The following ENPP1 variants were observed in gnomAD, a reference collection of about 807,000 sequenced individuals.
ENPP1 encodes ectonucleotide pyrophosphatase/phosphodiesterase 1.
A neutral mutation model predicts 122.8 loss-of-function variants in ENPP1; 73 were observed. That is an observed-to-expected ratio of 0.59 (90% CI 0.49 to 0.72). The LOEUF is 0.72. Ranked by LOEUF, ENPP1 falls within the 30% of genes least tolerant of loss-of-function variation. The probability of loss-of-function intolerance (pLI) is 0.00; values close to 1 mark genes in which losing one functional copy is unlikely to be tolerated. For synonymous variants in ENPP1, 367 were observed against 391.6 expected, an observed-to-expected ratio of 0.94 and a Z score of 0.74; for missense variants, 978 against 1,128.1, an observed-to-expected ratio of 0.87 and a Z score of 1.91.
chr6:131,853,954 G>A (rs1033192475), intron 5 of ENPP1, among the ~76,000 whole-genome samples: 12 of 152,048 alleles, frequency 7.9e-5, no homozygotes, highest in African/African-American at 2.2e-4. Flanking sequence ...CACACTACAC[G>A]TTAACTGTTT....
chr6:131,827,983 G>T, intron 1 of ENPP1: 1 of 730,670 alleles, frequency 1.4e-6, no homozygotes, highest in Non-Finnish European at 2.5e-6. Flanking sequence ...CTTGGAGCTG[G>T]TACCTGGGGT....
At chr6:131,847,871 G>T in intron 2 of ENPP1, 23 bp downstream of exon 2, 1 of 1,430,872 alleles carries the variant, frequency 7.0e-7, no homozygotes, top group Non-Finnish European at 9.8e-7. Flanking sequence ...GTGTGTGTGT[G>T]TGTGTGTGTG....
chr6:131,869,239 A>G, intron 12 of ENPP1, 119 bp from the exon 13 acceptor site: 1 of 900,326 alleles, frequency 1.1e-6, no homozygotes, highest in Non-Finnish European at 1.8e-6. Flanking sequence ...TCTTCAACTA[A>G]TATGAGTGCT....
chr6:131,878,612 T>C lies in ENPP1; in HGVS notation c.1945+19T>C, dbSNP rs1283090920. ...GCAGAAGGTAAGGCATGCTACACAC[T>C]CAAGCTCGGAATGTGAAGCAGGCAT... On this transcript the variant is annotated intron_variant, in intron 19 of 24. Transcript: ENST00000647893. The C allele has an allele frequency of 1.9e-6, 3 of 1,596,966 alleles. No individual in the cohort carries two copies. Among genetic ancestry groups the C allele is most frequent in the African/African-American group, 2.7e-5 (2 of 74,694 alleles).
chr6:131,876,464 G>A (rs75459628), intron 17 of ENPP1, among the ~76,000 whole-genome samples: 2,249 of 152,276 alleles, frequency 0.015, 57 homozygotes, highest in African/African-American at 0.048. Flanking sequence ...TAGTTTAAAT[G>A]AGTTAATGTA....
chr6:131,819,153 A>G (rs1369903798), intron 1 of ENPP1, among the ~76,000 whole-genome samples: 1 of 152,216 alleles, frequency 6.6e-6, no homozygotes, highest in African/African-American at 2.4e-5. Context: ...TAGTGAACCA[A>G]TATTTTCCAA....
chr6:131,808,727 T>C (rs1450476428), intron 1 of ENPP1, among the ~76,000 whole-genome samples: 2 of 152,210 alleles, frequency 1.3e-5, no homozygotes, highest in African/African-American at 2.4e-5. Flanking sequence ...CGGAGCTCTT[T>C]AAGTTTTATT....
chr6:131,882,226 A>T (rs963928220), intron 20 of ENPP1, 119 bp from the exon 21 acceptor site: 2 of 780,362 alleles, frequency 2.6e-6, no homozygotes, highest in Admixed American at 3.9e-5. Flanking sequence ...ATAGGGAAGG[A>T]CATGAGCTGA....
At chr6:131,878,406 A>C in intron 18 of ENPP1, 136 bp from the exon 19 acceptor site, 1 of 705,028 alleles carries the variant, frequency 1.4e-6, no homozygotes. Flanking sequence ...TGAAAGAGAA[A>C]AAAAAATCCA....
At chr6:131,820,066 A>G (rs4997284) in intron 1 of ENPP1, 55,625 of 512,354 alleles carry the variant, frequency 0.11, 3,650 homozygotes, top group South Asian at 0.21. Flanking sequence ...GCTGTCCAGC[A>G]CTTGTCCATT....
chr6:131,840,516 C>G (rs1438012694), intron 1 of ENPP1, among the ~76,000 whole-genome samples: 1 of 152,184 alleles, frequency 6.6e-6, no homozygotes, highest in African/African-American at 2.4e-5. Context: ...GTAGGAACTA[C>G]CATTTATTCA....
At chr6:131,852,355 G>A in intron 5 of ENPP1, 120 bp downstream of exon 5, 1 of 688,310 alleles carries the variant, frequency 1.5e-6, no homozygotes, top group Non-Finnish European at 2.5e-6. Context: ...ATTACAGGTT[G>A]AGTATCCTTT....
chr6:131,874,976 A>G (rs1782210624), intron 16 of ENPP1, among the ~76,000 whole-genome samples: 2 of 152,146 alleles, frequency 1.3e-5, no homozygotes, highest in African/African-American at 4.8e-5. Context: ...GCTAAAAATC[A>G]CATGTTCACT....
chr6:131,862,042 G>A (rs550566035), intron 9 of ENPP1, among the ~76,000 whole-genome samples: 7 of 152,056 alleles, frequency 4.6e-5, no homozygotes, highest in African/African-American at 1.7e-4. Context: ...GATGGCGGGC[G>A]CCTGTAATCC....
Position 131,820,151 on chromosome 6 carries a change from G to A in ENPP1, c.240+11876G>A, listed in dbSNP as rs1398424817. On this transcript the variant is annotated intron_variant, in intron 1 of 24. Coordinates refer to ENST00000647893, the MANE Select transcript of ENPP1 (RefSeq NM_006208.3). Reference sequence around the variant, plus strand: ...ATAGTTTAAGAGATTACTACTTTTAGAATTTTGGTGTGGTTTTAAAGAAGA... The same window carrying A: ...ATAGTTTAAGAGATTACTACTTTTAAAATTTTGGTGTGGTTTTAAAGAAGA... 1.1e-4 allele frequency: 33 copies of A among 311,810 alleles called. No homozygotes were observed. The Admixed American group carries it at 1.4e-3, about 14-fold the overall frequency. 19.3% of individuals were successfully genotyped at this position (311,810 alleles called of 1,614,324 possible).
chr6:131,823,036 T>C (rs1010996411), intron 1 of ENPP1, among the ~76,000 whole-genome samples: 1 of 152,224 alleles, frequency 6.6e-6, no homozygotes, highest in African/African-American at 2.4e-5. Flanking sequence ...TAGACGTTAA[T>C]CAATGTAGGG....
rs1433459156 is a variant in ENPP1, at chr6:131,869,266, A to T, written c.1274-92A>T. 7 of 1,298,250 alleles carry T rather than the reference A, an allele frequency of 5.4e-6. No homozygotes were observed. The East Asian group carries it at 1.2e-4, about 22-fold the overall frequency. The allele number at this position is 1,298,250 out of a possible 1,614,324, so 80.4% of individuals were successfully genotyped here. A position where few individuals can be genotyped will look rare whatever the true frequency, so the allele number is the denominator to read the frequency against. On this transcript the variant is annotated intron_variant, in intron 12 of 24. Coordinates refer to ENST00000647893, the MANE Select transcript of ENPP1 (RefSeq NM_006208.3). ...ATGAGTGCTACACCCATGTTTAACG[A>T]ATTTAACCTTGGAAGTGAAAGAAGT... is the stretch of plus-strand genomic sequence containing the variant.
At chr6:131,831,134 A>AG (rs1362445452) in intron 1 of ENPP1, among the ~76,000 whole-genome samples, 2 of 143,442 alleles carry the variant, frequency 1.4e-5, no homozygotes, top group Admixed American at 7.0e-5. Context: ...AAAAAAAAAA[A>AG]AAAGAAAAGA....
At chr6:131,845,671 C>T (rs1340445318) in intron 1 of ENPP1, among the ~76,000 whole-genome samples, 2 of 151,988 alleles carry the variant, frequency 1.3e-5, no homozygotes, top group Non-Finnish European at 2.9e-5. Context: ...GTTGACCAGG[C>T]TGGTCTCAAA....
Sources: gnomAD v4.1 joint callset for allele counts (sites outside exome capture counted in the v4.1 genomes callset) on GRCh38, gnomAD v4.1.1 for gene constraint, MANE v1.5 for transcripts, NCBI Gene and HGNC (gene_info 2026-07-23, HGNC 2026-07-21) for gene names.